XRN2: variants seen among roughly 807,000 people sequenced by gnomAD.
The protein encoded by XRN2 is DHM1-like protein.
In XRN2, 44 loss-of-function variants were observed where a neutral mutation model predicts 138.5. That is an observed-to-expected ratio of 0.32 (90% CI 0.25 to 0.41). The LOEUF (loss-of-function observed/expected upper bound fraction) is 0.41. XRN2 is among the 10% of genes least tolerant of loss of function. The probability of loss-of-function intolerance (pLI) is 1.00; values close to 1 mark genes in which losing one functional copy is unlikely to be tolerated. For missense variants in XRN2, 937 were observed against 1,169.3 expected (o/e 0.80, Z 2.90); for synonymous variants, 354 against 369.4 (o/e 0.96, Z 0.48).
chr20:21,360,376 G>A lies in XRN2; in HGVS notation c.2255+2584G>A, dbSNP rs182051060. 3.7e-3 allele frequency among the ~76,000 whole-genome samples: 561 copies of A among 151,400 alleles called. 3 individuals are homozygous for A. Among genetic ancestry groups the A allele is most frequent in the African/African-American group, 0.013 (536 of 41,242 alleles). On this transcript the variant is annotated intron_variant, in intron 24 of 29. Coordinates refer to ENST00000377191, the MANE Select transcript of XRN2 (RefSeq NM_012255.5). ...TTCTCCACCTGCCCCATAGCCTGCC[G>A]TTTATTGCTTTGCTTTTCTTCTAAA...
intron 13 of XRN2, among the ~76,000 whole-genome samples, chr20:21,337,294 C>T (rs1234507029): frequency 6.6e-6 from 1 of 152,122 alleles, no homozygotes; most frequent in Non-Finnish European, 1.5e-5. Context: ...TGGAGATCAT[C>T]AGAGGCAGTT....
In XRN2 at chr20:21,303,485, C is replaced by A. The variant is rs1568561143; in HGVS notation, c.75+12C>A. The A allele has an allele frequency of 6.5e-7, 1 of 1,537,292 alleles. No homozygotes were observed. The highest frequency in any genetic ancestry group is 8.7e-7 in the Non-Finnish European group (1 of 1,143,168). On this transcript the variant is annotated intron_variant, in intron 1 of 29. Transcript: ENST00000377191. ...GCGTGGAAGAGAAGGTGAGGAGGCGCCAGGCGGCCGCCACACTCGAGCCCG... is the reference window on the plus strand; with the variant it reads ...GCGTGGAAGAGAAGGTGAGGAGGCGACAGGCGGCCGCCACACTCGAGCCCG...
At chr20:21,333,906 C>G in intron 11 of XRN2, 31 bp from the exon 12 acceptor site, 4 of 1,614,078 alleles carry the variant, frequency 2.5e-6, no homozygotes, top group Non-Finnish European at 3.4e-6. Flanking sequence ...CCTACTGGTC[C>G]TAATGCATAA....
intron 1 of XRN2, among the ~76,000 whole-genome samples, chr20:21,312,602 ATTTTTT>A (rs375836250): frequency 1.5e-5 from 2 of 137,282 alleles, no homozygotes; most frequent in Non-Finnish European, 3.1e-5. Flanking sequence ...AAACCCCAAG[ATTTTTT>A]TTTTTTTTTT....
chr20:21,311,244 G>C (rs2037877530), intron 1 of XRN2, among the ~76,000 whole-genome samples: 1 of 152,162 alleles, frequency 6.6e-6, no homozygotes, highest in African/African-American at 2.4e-5. Flanking sequence ...AACGCTACCT[G>C]TTAAACAGTA....
chr20:21,388,285 CT>C (rs1568602957), intron 29 of XRN2, among the ~76,000 whole-genome samples: 1 of 152,216 alleles, frequency 6.6e-6, no homozygotes, highest in African/African-American at 2.4e-5. Context: ...GGAGATCTTC[CT>C]TTTAAAGGAA....
chr20:21,320,466 A>AT (rs1271526635), intron 1 of XRN2, among the ~76,000 whole-genome samples: 1 of 151,148 alleles, frequency 6.6e-6, no homozygotes. Context: ...CATCCGGCTA[A>AT]TTTTTTGTAT....
At position 21,330,613 on chromosome 20, in the gene XRN2, T is replaced by C; in HGVS notation, c.487-3T>C. 4 of 1,613,806 alleles carry C rather than the reference T, an allele frequency of 2.5e-6. No homozygotes were observed. Among genetic ancestry groups the C allele is most frequent in the Non-Finnish European group, 2.5e-6 (3 of 1,179,910 alleles). The stretch of plus-strand genomic sequence containing the variant: ...GTTAATTTATTTCTTTCTATCATTT[T>C]AGGGAACTGAATTCATGGACAATCT... On this transcript the variant is annotated splice_region_variant and splice_polypyrimidine_tract_variant and intron_variant, in intron 5 of 29. Transcript: ENST00000377191.
intron 1 of XRN2, among the ~76,000 whole-genome samples, chr20:21,324,802 AATTTCT>A (rs1269312053): frequency 6.6e-6 from 1 of 152,084 alleles, no homozygotes; most frequent in Non-Finnish European, 1.5e-5. Context: ...CCTGATTTTA[AATTTCT>A]ATTTCTAACA....
chr20:21,311,895 C>T (rs542801100), intron 1 of XRN2, among the ~76,000 whole-genome samples: 3 of 152,134 alleles, frequency 2.0e-5, no homozygotes, highest in Admixed American at 1.3e-4. Context: ...ACTCAGGAGG[C>T]TGAGGCACAA....
chr20:21,356,116 T>C lies in XRN2; in HGVS notation c.2057T>C (p.Val686Ala), dbSNP rs1386331206. The change falls in exon 22 of 30, where the codon GTG (valine) becomes GCG (alanine). Residue 686 changes from valine to alanine, a missense_variant. Physicochemically the swap from Val to Ala is moderately conservative, Grantham distance 64. This residue lies in a region of XRN2 where 372 missense variants were observed against 414.4 expected (regional missense o/e 0.90). Transcript: ENST00000377191. ...AGCCTTGGAGGTGATGTCTTATTTGTGGGGAAACATCACCCACTCCATGAC... is the reference window on the plus strand; with the variant it reads ...AGCCTTGGAGGTGATGTCTTATTTGCGGGGAAACATCACCCACTCCATGAC... ...RNSLGGDVLF[V>A]GKHHPLHDFI... 1 of 1,612,860 alleles carries C rather than the reference T, an allele frequency of 6.2e-7. No individual in the cohort carries two copies. Among genetic ancestry groups the C allele is most frequent in the Admixed American group, 1.7e-5 (1 of 59,942 alleles).
chr20:21,311,808 T>G (rs1371916516), intron 1 of XRN2, among the ~76,000 whole-genome samples: 1 of 152,014 alleles, frequency 6.6e-6, no homozygotes, highest in Non-Finnish European at 1.5e-5. Context: ...GACAACATGG[T>G]GAAACCTCGT....
At chr20:21,384,224 T>C (rs1169587835) in intron 28 of XRN2, among the ~76,000 whole-genome samples, 1 of 152,148 alleles carries the variant, frequency 6.6e-6, no homozygotes, top group Non-Finnish European at 1.5e-5. Flanking sequence ...TTTTGCCACA[T>C]TGTTTGGGTT....
intron 24 of XRN2, among the ~76,000 whole-genome samples, chr20:21,358,600 T>C (rs1011983895): frequency 2.0e-5 from 3 of 152,004 alleles, no homozygotes; most frequent in Non-Finnish European, 4.4e-5. Context: ...TATTTTAGAT[T>C]TTTTTTTAGA....
intron 10 of XRN2, 39 bp from the exon 11 acceptor site, chr20:21,333,665 T>A (rs1382111318): frequency 1.2e-6 from 2 of 1,614,028 alleles, no homozygotes; most frequent in Non-Finnish European, 1.7e-6. Context: ...GCAGGGTGCC[T>A]TTGATAGCTG....
At chr20:21,332,507 CAT>C in intron 9 of XRN2, 67 bp downstream of exon 9, 10 of 1,403,532 alleles carry the variant, frequency 7.1e-6, no homozygotes, top group Non-Finnish European at 9.6e-6. Flanking sequence ...ATGTATATGA[CAT>C]AAAATATCAT....
intron 27 of XRN2, among the ~76,000 whole-genome samples, chr20:21,377,585 T>G (rs916605108): frequency 9.2e-5 from 14 of 151,392 alleles, no homozygotes; most frequent in Non-Finnish European, 1.6e-4. Flanking sequence ...TTTAGTTTAC[T>G]GTCATTAAGA....
chr20:21,384,722 G>T (rs1205917067), intron 28 of XRN2, among the ~76,000 whole-genome samples: 1 of 152,088 alleles, frequency 6.6e-6, no homozygotes, highest in African/African-American at 2.4e-5. Context: ...CAAACTCCTG[G>T]GCTGAAGTGA....
intron 15 of XRN2, among the ~76,000 whole-genome samples, chr20:21,341,905 T>C (rs1381264376): frequency 6.6e-6 from 1 of 152,132 alleles, no homozygotes; most frequent in African/African-American, 2.4e-5. Flanking sequence ...CAGCTGTGGT[T>C]GCTTCAGGAA....
Sources: gnomAD v4.1 joint callset for allele counts (sites outside exome capture counted in the v4.1 genomes callset) on GRCh38, gnomAD v4.1.1 for gene constraint, gnomAD v4.1.1 regional missense constraint, MANE v1.5 for transcripts, NCBI Gene and HGNC (gene_info 2026-07-23, HGNC 2026-07-21) for gene names.